MRTFA: variants seen among roughly 807,000 people sequenced by gnomAD.
MRTFA encodes the protein myocardin related transcription factor A.
In MRTFA, 20 loss-of-function variants were observed where a neutral mutation model predicts 83.5. The observed-to-expected ratio is 0.24, with a 90% CI of 0.17 to 0.35. The LOEUF (loss-of-function observed/expected upper bound fraction) is 0.35. Among genes scored for constraint, MRTFA ranks in the 10% least tolerant of loss-of-function variants. MRTFA has a pLI of 1.00. For synonymous variants in MRTFA, 659 were observed against 541.2 expected, an observed-to-expected ratio of 1.22 and a Z score of -3.02; for missense variants, 1,200 against 1,224.7, an observed-to-expected ratio of 0.98 and a Z score of 0.30.
rs116400694 is a variant in MRTFA, at chr22:40,525,720, T to C, written c.241+26386A>G. 2.6e-3 allele frequency among the ~76,000 whole-genome samples: 390 copies of C among 152,240 alleles called. 2 individuals are homozygous for C. The highest frequency in any genetic ancestry group is 9.1e-3 in the African/African-American group (376 of 41,532). On this transcript the variant is annotated intron_variant, in intron 3 of 14. Transcript: ENST00000355630. ...TCAGTTAGGGCACGCTATACAAATA[T>C]TTACAAGGCATGGTCTCAGGAACAT...
rs1358683337 is a variant in MRTFA, at chr22:40,510,246, G to A, written c.241+41860C>T. On this transcript the variant is annotated intron_variant, in intron 3 of 14. Transcript: ENST00000355630. ...TTAGTGGCTGGGGGTAAGGAATGGT[G>A]TCACACATTAAGCAAATCATGATTC... Among the ~76,000 whole-genome samples the A allele has an allele frequency of 2.6e-5, 4 of 152,018 alleles. No individual in the cohort carries two copies. The East Asian group carries it at 7.7e-4, about 29-fold the overall frequency.
At chr22:40,503,422 G>A (rs2054529904) in intron 3 of MRTFA, among the ~76,000 whole-genome samples, 1 of 152,174 alleles carries the variant, frequency 6.6e-6, no homozygotes, top group African/African-American at 2.4e-5. Context: ...AGTTGGCTGG[G>A]ATGGTCTCGA....
At chr22:40,477,111 C>A (rs1314345735) in intron 3 of MRTFA, among the ~76,000 whole-genome samples, 1 of 144,612 alleles carries the variant, frequency 6.9e-6, no homozygotes, top group East Asian at 2.0e-4. Context: ...AGGCAGATCA[C>A]GTGAGGTCAG....
At chr22:40,585,416 G>A (rs1040815900) in intron 2 of MRTFA, among the ~76,000 whole-genome samples, 3 of 152,062 alleles carry the variant, frequency 2.0e-5, no homozygotes, top group Non-Finnish European at 4.4e-5. Flanking sequence ...GGAGGAGGAG[G>A]GAATAGGGAC....
At chr22:40,529,931 C>G (rs997454490) in intron 3 of MRTFA, among the ~76,000 whole-genome samples, 4 of 152,178 alleles carry the variant, frequency 2.6e-5, no homozygotes, top group African/African-American at 4.8e-5. Context: ...CAGAGACATC[C>G]TGTGCATGGA....
chr22:40,561,212 CTGTGTGTG>C (rs60830555), intron 2 of MRTFA, among the ~76,000 whole-genome samples: 3 of 145,916 alleles, frequency 2.1e-5, no homozygotes, highest in Non-Finnish European at 3.0e-5. Flanking sequence ...GTGTGTGTGT[CTGTGTGTG>C]TGTGTGTGTG....
chr22:40,573,339 C>T (rs1288529360), intron 2 of MRTFA, among the ~76,000 whole-genome samples: 4 of 152,200 alleles, frequency 2.6e-5, no homozygotes, highest in Non-Finnish European at 5.9e-5. Flanking sequence ...ACTGCAACCT[C>T]TGCCTCCCAG....
intron 3 of MRTFA, among the ~76,000 whole-genome samples, chr22:40,517,711 A>G (rs1473985152): frequency 6.6e-6 from 1 of 152,216 alleles, no homozygotes; most frequent in Non-Finnish European, 1.5e-5. Flanking sequence ...TAACAAAGGT[A>G]AAAGGAGTCG....
At chr22:40,578,306 T>A (rs1275015169) in intron 2 of MRTFA, among the ~76,000 whole-genome samples, 1 of 152,028 alleles carries the variant, frequency 6.6e-6, no homozygotes, top group Non-Finnish European at 1.5e-5. Flanking sequence ...CATACCGCAG[T>A]TCAAAAAACA....
chr22:40,423,096 G>A lies in MRTFA; in HGVS notation c.927+440C>T, dbSNP rs574196771. On this transcript the variant is annotated intron_variant, in intron 9 of 14. Coordinates refer to ENST00000355630, the MANE Select transcript of MRTFA (RefSeq NM_020831.6). ...ATGCCCAGCACAGGTCCCCCACACC[G>A]ACAGTGGTAACCCCCGCCTCCTGCA... Among the ~76,000 whole-genome samples the A allele has an allele frequency of 8.5e-5, 13 of 152,328 alleles. No homozygotes were observed. The East Asian group carries it at 1.5e-3, about 18-fold the overall frequency.
chr22:40,438,584 T>A (rs531346887), intron 4 of MRTFA, among the ~76,000 whole-genome samples: 1 of 152,216 alleles, frequency 6.6e-6, no homozygotes, highest in South Asian at 2.1e-4. Context: ...GCATACATAG[T>A]CCCCCTCATC....
chr22:40,497,752 A>G (rs2054380670), intron 3 of MRTFA, among the ~76,000 whole-genome samples: 1 of 152,128 alleles, frequency 6.6e-6, no homozygotes, highest in Non-Finnish European at 1.5e-5. Flanking sequence ...GTCTCAAAAA[A>G]AAAAAGGAAA....
rs1555955158 is a variant in MRTFA, at chr22:40,410,309, T to TAAAAAGTTCACAC, written c.*1068_*1080dup. ...CAGGCCTGTGTTTTTGTGTTTATTT[T>TAAAAAGTTCACAC]AAAAAGTTCACACACCTTCCCCATC... On this transcript the variant is annotated 3_prime_UTR_variant, in exon 15 of 15. Coordinates refer to ENST00000355630, the MANE Select transcript of MRTFA (RefSeq NM_020831.6). 6.3e-6 allele frequency: 3 copies of TAAAAAGTTCACAC among 476,938 alleles called. No individual in the cohort carries two copies. The highest frequency in any genetic ancestry group is 6.1e-5 in the African/African-American group (3 of 49,582). The allele number at this position is 476,938 out of a possible 1,614,324, so 29.5% of individuals were successfully genotyped here.
chr22:40,506,474 G>A (rs1222979041), intron 3 of MRTFA, among the ~76,000 whole-genome samples: 3 of 152,076 alleles, frequency 2.0e-5, no homozygotes, highest in Non-Finnish European at 4.4e-5. Context: ...ACATATTAAT[G>A]GGAACTGAAC....
chr22:40,582,665 TACACACACAC>T (rs3044561), intron 2 of MRTFA, among the ~76,000 whole-genome samples: 12,245 of 143,106 alleles, frequency 0.086, 725 homozygotes, highest in East Asian at 0.26. Flanking sequence ...TATACACACA[TACACACACAC>T]ACACACACAC....
At chr22:40,417,798 T>C (rs1211154197) in intron 12 of MRTFA, 3 of 373,406 alleles carry the variant, frequency 8.0e-6, no homozygotes, top group South Asian at 3.3e-5. Flanking sequence ...CAGGGACCCC[T>C]GTCTCCTATC....
At position 40,419,023 on chromosome 22, in the gene MRTFA, G is replaced by A; in HGVS notation, c.1715C>T (p.Pro572Leu). 2 of 1,612,650 alleles carry A rather than the reference G, an allele frequency of 1.2e-6. No homozygotes were observed. Among genetic ancestry groups the A allele is most frequent in the Non-Finnish European group, 1.7e-6 (2 of 1,179,874 alleles). ...CACCATCTCACCAAAGGTGTCCCCG[G>A]GGGTGGAGTTTTCATCGCCCGTGCT... Residue 572 changes from proline (P) to leucine (L), a missense_variant, in exon 12 of 15, where the codon CCC becomes CTC. By Grantham distance (98) the Pro-to-Leu change is moderately conservative (BLOSUM62 -3). Transcript: ENST00000355630.
intron 3 of MRTFA, among the ~76,000 whole-genome samples, chr22:40,510,915 T>C (rs553065684): frequency 2.0e-5 from 3 of 152,280 alleles, no homozygotes; most frequent in South Asian, 2.1e-4. Flanking sequence ...CGAAGTGTTC[T>C]GGGAACCAAA....
chr22:40,546,283 C>T (rs2055363685), intron 3 of MRTFA, among the ~76,000 whole-genome samples: 2 of 152,218 alleles, frequency 1.3e-5, no homozygotes, highest in African/African-American at 2.4e-5. Flanking sequence ...AATCTTCTTA[C>T]CAGCCTCTTT....
Sources: gnomAD v4.1 joint callset for allele counts (sites outside exome capture counted in the v4.1 genomes callset) on GRCh38, gnomAD v4.1.1 for gene constraint, MANE v1.5 for transcripts, NCBI Gene and HGNC (gene_info 2026-07-23, HGNC 2026-07-21) for gene names.